The following LRRC2 variants were observed in gnomAD, a reference collection of about 807,000 sequenced individuals.
The protein encoded by LRRC2 is leucine-rich repeat-containing protein 2.
LRRC2 carries 27 observed loss-of-function variants against 40.2 expected under a neutral mutation model. The observed-to-expected ratio is 0.67, with a 90% CI of 0.49 to 0.93. The LOEUF (loss-of-function observed/expected upper bound fraction) is 0.93, where lower values mean the gene tolerates loss of function less well. LRRC2 is among the 40% of genes least tolerant of loss of function. The pLI, the probability that LRRC2 is intolerant of heterozygous loss-of-function variation, is 0.00. For synonymous variants in LRRC2, 147 were observed against 158.9 expected (o/e 0.92, Z 0.56); for missense variants, 402 against 439.6 (o/e 0.91, Z 0.76).
At chr3:46,545,361 G>C (rs1261126577) in intron 2 of LRRC2, 108 bp from the exon 3 acceptor site, 2 of 915,196 alleles carry the variant, frequency 2.2e-6, no homozygotes, top group African/African-American at 3.3e-5. Context: ...GTCATTCCCA[G>C]GCCTACGTAA....
intron 7 of LRRC2, among the ~76,000 whole-genome samples, chr3:46,522,745 AGAT>A (rs1208971348): frequency 9.5e-5 from 14 of 147,694 alleles, no homozygotes; most frequent in African/African-American, 3.5e-4. Context: ...ATTAAATAAA[AGAT>A]GAACTACTGC....
chr3:46,553,723 G>C (rs889542064), intron 1 of LRRC2, among the ~76,000 whole-genome samples: 1 of 152,140 alleles, frequency 6.6e-6, no homozygotes, highest in African/African-American at 2.4e-5. Context: ...CCGGGGCTCA[G>C]GTGATCCTCC....
chr3:46,551,878 G>A (rs1400374539), intron 1 of LRRC2, among the ~76,000 whole-genome samples: 1 of 150,166 alleles, frequency 6.7e-6, no homozygotes, highest in East Asian at 2.0e-4. Context: ...AGCTCCAACT[G>A]CAGCCTCAAC....
At chr3:46,540,662 C>T (rs1704367351) in intron 3 of LRRC2, among the ~76,000 whole-genome samples, 1 of 152,174 alleles carries the variant, frequency 6.6e-6, no homozygotes, top group African/African-American at 2.4e-5. Flanking sequence ...AATGAAAATG[C>T]AGGCACCTTG....
intron 1 of LRRC2, among the ~76,000 whole-genome samples, chr3:46,560,542 AC>A (rs753728845): frequency 1.3e-4 from 20 of 152,210 alleles, no homozygotes; most frequent in Non-Finnish European, 1.5e-4. Context: ...CTCAATACAA[AC>A]AAAGCAATAT....
chr3:46,545,025 G>A lies in LRRC2; in HGVS notation c.333+21C>T, dbSNP rs757786895. 3.1e-6 allele frequency: 5 copies of A among 1,607,656 alleles called. No individual in the cohort carries two copies. The South Asian group carries it at 4.4e-5, about 14-fold the overall frequency. ...GTCATCGACCACAGCACTGCATTGG[G>A]CGAGAACTGCCTCGACTCACCGTCC... On this transcript the variant is annotated intron_variant, in intron 3 of 8. Transcript: ENST00000395905.
rs954131126 is a variant in LRRC2 at position 46,545,209 on chromosome 3, C to G, written c.170G>C (p.Gly57Ala). 1.2e-6 allele frequency: 2 copies of G among 1,614,034 alleles called. No homozygotes were observed. Among genetic ancestry groups the G allele is most frequent in the Non-Finnish European group, 1.7e-6 (2 of 1,180,034 alleles). ...WNFVAECRRK[G>A]IPQAVYCKNG... ...CTTGCAGTATACAGCCTGGGGGATG[C>G]CCTTCCTCCTGCATTCGGCCACAAA... Residue 57 changes from glycine (G) to alanine (A), a missense_variant, in exon 3 of 9, where the codon GGC becomes GCC. Gly to Ala is a moderately conservative substitution (Grantham distance 60). Coordinates refer to ENST00000395905, the MANE Select transcript of LRRC2 (RefSeq NM_024512.5).
chr3:46,519,686 A>G (rs888890450), intron 8 of LRRC2, among the ~76,000 whole-genome samples: 1 of 152,246 alleles, frequency 6.6e-6, no homozygotes, highest in Non-Finnish European at 1.5e-5. Context: ...CTGATGAGTA[A>G]AAACTCTCAT....
At position 46,545,208 on chromosome 3, in the gene LRRC2, GCCCTTCCTCC is replaced by G. The variant is rs1223487376; in HGVS notation, c.161_170del (p.Arg54ThrfsTer13). On this transcript the variant is annotated frameshift_variant, in exon 3 of 9. Coordinates refer to ENST00000395905, the MANE Select transcript of LRRC2 (RefSeq NM_024512.5). LOFTEE classifies it high-confidence loss of function. ...TCTTGCAGTATACAGCCTGGGGGATGCCCTTCCTCCTGCATTCGGCCACAAAGTTCCACTC... is the reference window on the plus strand; with the variant it reads ...TCTTGCAGTATACAGCCTGGGGGATGTGCATTCGGCCACAAAGTTCCACTC... 6.2e-7 allele frequency: 1 copy of G among 1,614,048 alleles called. No individual in the cohort carries two copies. The highest frequency in any genetic ancestry group is 8.5e-7 in the Non-Finnish European group (1 of 1,180,036).
At chr3:46,554,908 TTAAC>T (rs1704753948) in intron 1 of LRRC2, among the ~76,000 whole-genome samples, 2 of 152,214 alleles carry the variant, frequency 1.3e-5, no homozygotes, top group South Asian at 2.1e-4. Context: ...ACACTTGTTA[TTAAC>T]TGTCTTTTTT....
At chr3:46,555,050 G>C in intron 1 of LRRC2, among the ~76,000 whole-genome samples, 1 of 152,136 alleles carries the variant, frequency 6.6e-6, no homozygotes, top group African/African-American at 2.4e-5. Context: ...TTGGAGAAAT[G>C]TCTATTCAGA....
Position 46,539,169 on chromosome 3 carries a change from G to A in LRRC2, c.366C>T (p.His122=). The part of the protein sequence containing the change: ...ELPDSLKEQT[H]LREWYISNTL... ...TATTGCTTATGTACCATTCTCTCAG[G>A]TGTGTCTGCTCCTTCAATGAATCTG... Residue 122 remains histidine, a synonymous_variant, in exon 4 of 9, where the codon CAC becomes CAT. Coordinates refer to ENST00000395905, the MANE Select transcript of LRRC2 (RefSeq NM_024512.5). The A allele has an allele frequency of 6.2e-7, 1 of 1,613,908 alleles. No individual in the cohort carries two copies. The highest frequency in any genetic ancestry group is 1.1e-5 in the South Asian group (1 of 91,016).
chr3:46,523,412 G>A (rs1408878555), intron 7 of LRRC2, among the ~76,000 whole-genome samples: 1 of 151,898 alleles, frequency 6.6e-6, no homozygotes, highest in Non-Finnish European at 1.5e-5. Context: ...TTTACCTTAG[G>A]ACAAATACTT....
chr3:46,537,308 C>T (rs1430154065), intron 4 of LRRC2, among the ~76,000 whole-genome samples: 4 of 152,146 alleles, frequency 2.6e-5, no homozygotes, highest in South Asian at 2.1e-4. Flanking sequence ...CCATGTTGCC[C>T]GGGCTGGTCT....
In LRRC2 at chr3:46,536,369, A is replaced by G. The variant is rs193126643; in HGVS notation, c.490+2676T>C. 4.2e-4 allele frequency among the ~76,000 whole-genome samples: 64 copies of G among 152,300 alleles called. No homozygotes were observed. The East Asian group carries it at 0.012, about 28-fold the overall frequency. The stretch of plus-strand genomic sequence containing the variant: ...TGAATAATCGCTTGGAATAACAACT[A>G]TGTACCCAATATGTTGGTGTTTATT... On this transcript the variant is annotated intron_variant, in intron 4 of 8. Transcript: ENST00000395905.
At chr3:46,550,345 C>A (rs1279110283) in intron 2 of LRRC2, among the ~76,000 whole-genome samples, 3 of 147,524 alleles carry the variant, frequency 2.0e-5, no homozygotes, top group Non-Finnish European at 4.5e-5. Context: ...GGTGGAGAAC[C>A]AAGAATGTAG....
intron 1 of LRRC2, chr3:46,558,777 AAAGT>A (rs1236593953): frequency 6.6e-6 from 1 of 152,214 alleles, no homozygotes; most frequent in Non-Finnish European, 1.5e-5. Flanking sequence ...AAGATTTAAG[AAAGT>A]AAGAAAGCGT....
intron 1 of LRRC2, among the ~76,000 whole-genome samples, chr3:46,553,029 T>G (rs1430397423): frequency 6.6e-6 from 1 of 152,234 alleles, no homozygotes; most frequent in Non-Finnish European, 1.5e-5. Context: ...TGGTAGGCCC[T>G]CCATAAATAT....
At chr3:46,524,409 G>A (rs140678438) in intron 7 of LRRC2, among the ~76,000 whole-genome samples, 100 of 152,322 alleles carry the variant, frequency 6.6e-4, no homozygotes, top group African/African-American at 2.3e-3. Flanking sequence ...AGGTTGGGGG[G>A]TGCCTGTTGA....
Sources: gnomAD v4.1 joint callset for allele counts (sites outside exome capture counted in the v4.1 genomes callset) on GRCh38, gnomAD v4.1.1 for gene constraint, MANE v1.5 for transcripts, NCBI Gene and HGNC (gene_info 2026-07-23, HGNC 2026-07-21) for gene names.